ADAMTS19: variants seen among roughly 807,000 people sequenced by gnomAD.
ADAMTS19 encodes the protein A disintegrin and metalloproteinase with thrombospondin motifs 19.
In ADAMTS19, 93 loss-of-function variants were observed where a neutral mutation model predicts 153.3. That is an observed-to-expected ratio of 0.61 (90% CI 0.51 to 0.72). ADAMTS19 has a LOEUF of 0.72. Ranked by LOEUF, ADAMTS19 falls within the 30% of genes least tolerant of loss-of-function variation. The pLI is 0.00. For synonymous variants in ADAMTS19, 600 were observed against 556.6 expected, an observed-to-expected ratio of 1.08 and a Z score of -1.10; for missense variants, 1,482 against 1,552.1, an observed-to-expected ratio of 0.95 and a Z score of 0.76.
At chr5:129,484,089 A>G (rs1580994997) in intron 2 of ADAMTS19, among the ~76,000 whole-genome samples, 1 of 152,270 alleles carries the variant, frequency 6.6e-6, no homozygotes, top group East Asian at 1.9e-4. Context: ...TGAATTTTTA[A>G]TGTTTATTTC....
At chr5:129,661,025 C>T (rs562765011) in intron 15 of ADAMTS19, among the ~76,000 whole-genome samples, 5 of 152,294 alleles carry the variant, frequency 3.3e-5, no homozygotes, top group Admixed American at 6.5e-5. Context: ...TCAGCTTTCT[C>T]TTGGCTTTGA....
At position 129,653,100 on chromosome 5, in the gene ADAMTS19, T is replaced by G. The variant is rs543951799; in HGVS notation, c.2177-1206T>G. ...ACTTCTGAAGGTTCATTTAACTGTC[T>G]GTCTTCTCTTTGCAAAGTGATACCC... is the stretch of plus-strand genomic sequence containing the variant. On this transcript the variant is annotated intron_variant, in intron 13 of 22. Transcript: ENST00000274487. 5.6e-4 allele frequency among the ~76,000 whole-genome samples: 86 copies of G among 152,350 alleles called. No homozygotes were observed. In the South Asian group the frequency reaches 8.3e-3, roughly 15 times the overall value.
intron 18 of ADAMTS19, among the ~76,000 whole-genome samples, chr5:129,686,846 C>T (rs1438030427): frequency 2.0e-5 from 3 of 152,098 alleles, no homozygotes; most frequent in Non-Finnish European, 4.4e-5. Context: ...TTTCAAATCG[C>T]TCTCTCAATT....
At chr5:129,532,629 G>A (rs1274748998) in intron 6 of ADAMTS19, among the ~76,000 whole-genome samples, 2 of 152,026 alleles carry the variant, frequency 1.3e-5, no homozygotes, top group Middle Eastern at 3.2e-3. Flanking sequence ...ATAAAAAATT[G>A]CACTTGAAAA....
intron 21 of ADAMTS19, among the ~76,000 whole-genome samples, chr5:129,708,590 C>CAA (rs1174701520): frequency 0.058 from 3,556 of 61,466 alleles, 123 homozygotes; most frequent in Non-Finnish European, 0.071. Context: ...AGCAGAGAAG[C>CAA]AAAAAAAAAA....
At position 129,578,079 on chromosome 5, in the gene ADAMTS19, CATATATACATAT is replaced by C. The variant is rs1280840117; in HGVS notation, c.1373-18478_1373-18467del. Among the ~76,000 whole-genome samples the C allele has an allele frequency of 2.6e-3, 231 of 88,446 alleles. 8 individuals are homozygous for C. The highest frequency in any genetic ancestry group is 6.3e-3 in the African/African-American group (204 of 32,206). The allele number at this position is 88,446 out of a possible 152,430, so 58.0% of individuals were successfully genotyped here. A position where few individuals can be genotyped will look rare whatever the true frequency, so the allele number is the denominator to read the frequency against. ...ACACACACACACACACACACACACA[CATATATACATAT>C]ACATACATATACATATGCATGTATA... On this transcript the variant is annotated intron_variant, in intron 7 of 22. Coordinates refer to ENST00000274487, the MANE Select transcript of ADAMTS19 (RefSeq NM_133638.6).
At chr5:129,475,309 C>T (rs1233942427) in intron 2 of ADAMTS19, among the ~76,000 whole-genome samples, 3 of 152,050 alleles carry the variant, frequency 2.0e-5, no homozygotes, top group Admixed American at 6.6e-5. Flanking sequence ...CCAGTGGTAT[C>T]TCAGCACCAT....
intron 21 of ADAMTS19, among the ~76,000 whole-genome samples, chr5:129,715,686 G>A (rs1359480604): frequency 1.3e-5 from 2 of 152,174 alleles, no homozygotes; most frequent in Non-Finnish European, 2.9e-5. Flanking sequence ...ATGGCTGGTG[G>A]TTTGTGATAT....
At chr5:129,591,495 G>A (rs1750131899) in intron 7 of ADAMTS19, among the ~76,000 whole-genome samples, 1 of 151,836 alleles carries the variant, frequency 6.6e-6, no homozygotes, top group African/African-American at 2.4e-5. Context: ...GTTTCACCAT[G>A]TTGGCCAGGG....
chr5:129,488,059 ATC>A (rs1176861659), intron 2 of ADAMTS19, among the ~76,000 whole-genome samples: 20 of 152,038 alleles, frequency 1.3e-4, no homozygotes, highest in Non-Finnish European at 2.6e-4. Flanking sequence ...GTACGATTTT[ATC>A]TCTCTGGTTT....
At chr5:129,569,204 G>A (rs1353444712) in intron 7 of ADAMTS19, among the ~76,000 whole-genome samples, 1 of 152,022 alleles carries the variant, frequency 6.6e-6, no homozygotes, top group Non-Finnish European at 1.5e-5. Context: ...ATCAGATGAT[G>A]TAAATTTCAG....
chr5:129,461,097 C>A lies in ADAMTS19; in HGVS notation c.92-5C>A. On this transcript the variant is annotated splice_polypyrimidine_tract_variant and splice_region_variant and intron_variant, in intron 1 of 22. Transcript: ENST00000274487. The surrounding 1 kb of genome is among the most constrained non-coding windows in gnomAD (Gnocchi z 4.6). ...GCCCCGCACTTCTGTCTGCCCCGCC[C>A]GCAGAGCTGCAGTTCGCCCCCGACC... 1.4e-6 allele frequency: 2 copies of A among 1,391,738 alleles called. No individual in the cohort carries two copies. The highest frequency in any genetic ancestry group is 1.6e-5 in the South Asian group (1 of 61,988). The allele number at this position is 1,391,738 out of a possible 1,614,324, so 86.2% of individuals were successfully genotyped here. A position where few individuals can be genotyped will look rare whatever the true frequency, so the allele number is the denominator to read the frequency against.
chr5:129,539,667 C>G (rs1315002918), intron 6 of ADAMTS19, among the ~76,000 whole-genome samples: 1 of 151,980 alleles, frequency 6.6e-6, no homozygotes, highest in Admixed American at 6.6e-5. Flanking sequence ...GTTTATAGAA[C>G]TTTCTAATTT....
Position 129,735,090 on chromosome 5 carries a change from C to A in ADAMTS19, c.3471C>A (p.Thr1157=). 6.3e-7 allele frequency: 1 copy of A among 1,596,222 alleles called. No individual in the cohort carries two copies. Residue 1157 remains threonine, a synonymous_variant, in exon 22 of 23, where the codon ACC becomes ACA. Transcript: ENST00000274487. Reference sequence around the variant, plus strand: ...GCAATGAGAAAATTAATGTAAATACCATAACATCACCCAGACTGGGTAAGC... The same window carrying A: ...GCAATGAGAAAATTAATGTAAATACAATAACATCACCCAGACTGGGTAAGC... ...QPCNEKINVN[T]ITSPRLAALT... is the part of the protein sequence containing the mutation.
At chr5:129,683,800 A>C (rs1230619180) in intron 17 of ADAMTS19, among the ~76,000 whole-genome samples, 1 of 150,494 alleles carries the variant, frequency 6.6e-6, no homozygotes, top group African/African-American at 2.5e-5. Flanking sequence ...ATGCTTTGGG[A>C]AACTGTCTAG....
At chr5:129,468,605 G>T (rs1458917292) in intron 2 of ADAMTS19, among the ~76,000 whole-genome samples, 1 of 152,008 alleles carries the variant, frequency 6.6e-6, no homozygotes, top group East Asian at 1.9e-4. Flanking sequence ...GCCCACCTTG[G>T]CCTCCCAAAG....
chr5:129,461,508 G>T lies in ADAMTS19; in HGVS notation c.498G>T (p.Pro166=), dbSNP rs1749661224. 6.6e-7 allele frequency: 1 copy of T among 1,511,018 alleles called. No individual in the cohort carries two copies. Among genetic ancestry groups the T allele is most frequent in the Non-Finnish European group, 8.8e-7 (1 of 1,138,108 alleles). 93.6% of individuals were successfully genotyped at this position (1,511,018 alleles called of 1,614,324 possible). A position where few individuals can be genotyped will look rare whatever the true frequency, so the allele number is the denominator to read the frequency against. The change falls in exon 2 of 23, where the codon CCG becomes CCT. Residue 166 remains proline (P), a synonymous_variant. Transcript: ENST00000274487. This position sits in a 1 kb window ranked among gnomAD's most constrained non-coding sequence, Gnocchi z 4.6. The part of the protein sequence containing the change: ...PSPPPAQHAE[P]DGDEVLLRIP... ...CGCCCCCGGCCCAGCATGCCGAGCC[G>T]GATGGCGACGAAGTGTTGCTGCGGA...
At chr5:129,658,465 T>C (rs1753687234) in intron 14 of ADAMTS19, 152 bp from the exon 15 acceptor site, 3 of 740,216 alleles carry the variant, frequency 4.1e-6, no homozygotes, top group Non-Finnish European at 6.1e-6. Context: ...GTGTATTAGC[T>C]TGCACCAGAG....
chr5:129,678,469 C>A (rs1375270788), intron 16 of ADAMTS19, among the ~76,000 whole-genome samples: 1 of 151,992 alleles, frequency 6.6e-6, no homozygotes, highest in Non-Finnish European at 1.5e-5. Flanking sequence ...AGACAGAGAA[C>A]ATATACATGT....
Sources: gnomAD v4.1 joint callset for allele counts (sites outside exome capture counted in the v4.1 genomes callset) on GRCh38, gnomAD v4.1.1 for gene constraint, Gnocchi (gnomAD v3.1) non-coding constraint, MANE v1.5 for transcripts, NCBI Gene and HGNC (gene_info 2026-07-23, HGNC 2026-07-21) for gene names.